Variants in UBE2E2 observed in about 807,000 individuals in gnomAD.
UBE2E2 encodes ubiquitin conjugating enzyme E2 E2.
UBE2E2 carries 6 observed loss-of-function variants against 24.7 expected under a neutral mutation model. That is an observed-to-expected ratio of 0.24 (90% confidence interval 0.13 to 0.48). The LOEUF (loss-of-function observed/expected upper bound fraction) is 0.48. Ranked by LOEUF, UBE2E2 falls within the 20% of genes least tolerant of loss-of-function variation. The probability of loss-of-function intolerance (pLI) is 0.99; values close to 1 mark genes in which losing one functional copy is unlikely to be tolerated. For missense variants in UBE2E2, 169 were observed against 245.0 expected, an observed-to-expected ratio of 0.69 and a Z score of 2.07; for synonymous variants, 104 against 83.6, an observed-to-expected ratio of 1.24 and a Z score of -1.33.
chr3:23,446,701 T>TG (rs1698437662), intron 3 of UBE2E2, among the ~76,000 whole-genome samples: 1 of 136,214 alleles, frequency 7.3e-6, no homozygotes, highest in African/African-American at 2.9e-5. Context: ...TCTGTTTGGT[T>TG]TTTTTTTTTT....
At position 23,417,996 on chromosome 3, in the gene UBE2E2, C is replaced by T. The variant is rs58434558; in HGVS notation, c.228-81612C>T. Among the ~76,000 whole-genome samples the T allele has an allele frequency of 6.6e-4, 100 of 152,250 alleles. 5 individuals are homozygous for T. The East Asian group carries it at 0.016, about 24-fold the overall frequency. ...CAGTGGATCTTAGCTTGCTGGGCTC[C>T]GTGGGGGTGGGATCCGCTGAGCTAA... is the stretch of plus-strand genomic sequence containing the variant. On this transcript the variant is annotated intron_variant, in intron 3 of 5. Transcript: ENST00000396703.
chr3:23,268,021 A>T lies in UBE2E2; in HGVS notation c.227+50709A>T, dbSNP rs6788095. Among the ~76,000 whole-genome samples, 760 of 149,156 alleles carry T rather than the reference A, an allele frequency of 5.1e-3. 11 individuals are homozygous for T. Among genetic ancestry groups the T allele is most frequent in the Non-Finnish European group, 3.9e-3 (260 of 66,908 alleles). Reference sequence around the variant, plus strand: ...AATTCAACAACTCTTCATGCTAAAAACTCTCAATAAATTAGGTATTGATGG... The same window carrying T: ...AATTCAACAACTCTTCATGCTAAAATCTCTCAATAAATTAGGTATTGATGG... On this transcript the variant is annotated intron_variant, in intron 3 of 5. Transcript: ENST00000396703.
At chr3:23,347,898 C>G in intron 3 of UBE2E2, among the ~76,000 whole-genome samples, 1 of 151,846 alleles carries the variant, frequency 6.6e-6, no homozygotes, top group Non-Finnish European at 1.5e-5. Flanking sequence ...GGTTGATGAC[C>G]TAATATCTGG....
intron 1 of UBE2E2, chr3:23,204,586 C>G (rs968972217): frequency 1.6e-6 from 1 of 635,718 alleles, no homozygotes; most frequent in African/African-American, 2.0e-5. Context: ...TTTACTACGG[C>G]AATTTGGATG....
chr3:23,424,986 G>A lies in UBE2E2; in HGVS notation c.228-74622G>A, dbSNP rs1575620517. Among the ~76,000 whole-genome samples the A allele has an allele frequency of 2.0e-5, 3 of 152,094 alleles. No homozygotes were observed. In the South Asian group the frequency reaches 6.2e-4, roughly 32 times the overall value. On this transcript the variant is annotated intron_variant, in intron 3 of 5. Transcript: ENST00000396703. Reference sequence around the variant, plus strand: ...ACCATGTTTTAAACATTTGAGTTTGGAAAACTTAAATTATATACAAAGTAG... The same window carrying A: ...ACCATGTTTTAAACATTTGAGTTTGAAAAACTTAAATTATATACAAAGTAG...
chr3:23,270,356 G>T (rs1442182371), intron 3 of UBE2E2, among the ~76,000 whole-genome samples: 1 of 152,090 alleles, frequency 6.6e-6, no homozygotes, highest in Non-Finnish European at 1.5e-5. Flanking sequence ...TGTGCACAAA[G>T]GGCTTGGCTG....
At chr3:23,339,299 G>A (rs2125308441) in intron 3 of UBE2E2, among the ~76,000 whole-genome samples, 1 of 152,270 alleles carries the variant, frequency 6.6e-6, no homozygotes, top group East Asian at 1.9e-4. Context: ...AAACCAAAGA[G>A]ATCTGATAAC....
chr3:23,554,322 A>G (rs1464991823), intron 5 of UBE2E2, among the ~76,000 whole-genome samples: 2 of 152,116 alleles, frequency 1.3e-5, no homozygotes, highest in Non-Finnish European at 2.9e-5. Context: ...CTTCAAATAA[A>G]TGATTCCGGG....
intron 3 of UBE2E2, among the ~76,000 whole-genome samples, chr3:23,296,448 A>G (rs1291876889): frequency 6.6e-6 from 1 of 151,922 alleles, no homozygotes; most frequent in Admixed American, 6.6e-5. Context: ...TATATCTCCT[A>G]ATGCTATCCC....
At chr3:23,227,151 A>G (rs370213011) in intron 3 of UBE2E2, among the ~76,000 whole-genome samples, 1 of 152,162 alleles carries the variant, frequency 6.6e-6, no homozygotes, top group South Asian at 2.1e-4. Flanking sequence ...TATGGCCTCT[A>G]CGGATCTTAA....
intron 3 of UBE2E2, among the ~76,000 whole-genome samples, chr3:23,355,047 C>G (rs1476971971): frequency 6.6e-6 from 1 of 151,744 alleles, no homozygotes; most frequent in African/African-American, 2.4e-5. Context: ...TACTATGCAG[C>G]CATAAAAAAT....
At chr3:23,274,222 C>A (rs796544052) in intron 3 of UBE2E2, among the ~76,000 whole-genome samples, 3 of 152,158 alleles carry the variant, frequency 2.0e-5, no homozygotes, top group Admixed American at 1.3e-4. Context: ...TTTTGATACC[C>A]TTTTAAGTTA....
intron 3 of UBE2E2, among the ~76,000 whole-genome samples, chr3:23,369,637 G>T (rs1220277894): frequency 6.6e-6 from 1 of 152,116 alleles, no homozygotes; most frequent in Admixed American, 6.6e-5. Flanking sequence ...TATGGGAATT[G>T]CCCATATCGA....
chr3:23,491,883 A>G (rs1283864626), intron 3 of UBE2E2, among the ~76,000 whole-genome samples: 1 of 152,230 alleles, frequency 6.6e-6, no homozygotes, highest in Non-Finnish European at 1.5e-5. Flanking sequence ...GATGCGGCCA[A>G]TAATCAGAGT....
chr3:23,388,682 T>TA lies in UBE2E2; in HGVS notation c.228-110918dup, dbSNP rs199789522. On this transcript the variant is annotated intron_variant, in intron 3 of 5. Transcript: ENST00000396703. ...TTCCATTTATTTAAATAGTATTTTT[T>TA]AAAAAAAATATTTGGTCTTTGTTTT... Among the ~76,000 whole-genome samples, 1,375 of 152,040 alleles carry TA rather than the reference T, an allele frequency of 9.0e-3. 17 individuals are homozygous for TA. The highest frequency in any genetic ancestry group is 0.063 in the South Asian group (305 of 4,824).
chr3:23,308,745 A>T (rs1053918178), intron 3 of UBE2E2, among the ~76,000 whole-genome samples: 1 of 152,174 alleles, frequency 6.6e-6, no homozygotes, highest in South Asian at 2.1e-4. Flanking sequence ...GATTCATGCT[A>T]TTACATAGGT....
intron 3 of UBE2E2, among the ~76,000 whole-genome samples, chr3:23,289,934 T>C (rs1394037236): frequency 2.0e-5 from 3 of 152,228 alleles, no homozygotes; most frequent in African/African-American, 4.8e-5. Context: ...TACTTTTGCA[T>C]AAAGAATTGA....
chr3:23,251,163 A>G (rs761210113), intron 3 of UBE2E2, among the ~76,000 whole-genome samples: 17 of 152,172 alleles, frequency 1.1e-4, no homozygotes, highest in Non-Finnish European at 2.2e-4. Context: ...CTTTTAATTC[A>G]TCGTGTGTGT....
intron 3 of UBE2E2, among the ~76,000 whole-genome samples, chr3:23,412,699 C>T (rs988536835): frequency 6.6e-6 from 1 of 152,086 alleles, no homozygotes. Flanking sequence ...TTCAAGTACA[C>T]TGACAACATA....
Sources: allele counts gnomAD v4.1 joint callset (sites outside exome capture counted in the v4.1 genomes callset), GRCh38; gene constraint gnomAD v4.1.1; transcripts MANE v1.5; gene names NCBI Gene and HGNC (gene_info 2026-07-23, HGNC 2026-07-21).